PLCB4: variants seen among roughly 807,000 people sequenced by gnomAD.
The protein encoded by PLCB4 is phospholipase C beta 4, also known as 1-phosphatidylinositol 4,5-bisphosphate phosphodiesterase beta-4.
PLCB4 carries 77 observed loss-of-function variants against 178.8 expected under a neutral mutation model. The observed-to-expected ratio is 0.43, with a 90% CI of 0.36 to 0.52. The LOEUF is 0.52. PLCB4 is among the 20% of genes least tolerant of loss of function. PLCB4 has a pLI of 0.00. For synonymous variants in PLCB4, 496 were observed against 490.8 expected (o/e 1.01, Z -0.14); for missense variants, 1,024 against 1,453.4 (o/e 0.70, Z 4.80).
chr20:9,313,701 G>A (rs1182191425), intron 4 of PLCB4, among the ~76,000 whole-genome samples: 3 of 152,184 alleles, frequency 2.0e-5, no homozygotes, highest in African/African-American at 7.2e-5. Flanking sequence ...ACAGAAACCT[G>A]TTGGTGCCAC....
In PLCB4 at chr20:9,462,943, G is replaced by A. The variant is rs532954660; in HGVS notation, c.3248+3133G>A. On this transcript the variant is annotated intron_variant, in intron 35 of 39. Transcript: ENST00000378473. ...ACCGCAAAGATACTCCTCGAGAAGA[G>A]CAACCCTAAGACACATAATTGTCAG... Among the ~76,000 whole-genome samples, 3 of 152,238 alleles carry A rather than the reference G, an allele frequency of 2.0e-5. No homozygotes were observed. The South Asian group carries it at 6.2e-4, about 32-fold the overall frequency.
intron 28 of PLCB4, among the ~76,000 whole-genome samples, chr20:9,434,044 A>G (rs2041602637): frequency 6.6e-6 from 1 of 152,254 alleles, no homozygotes; most frequent in Admixed American, 6.5e-5. Flanking sequence ...ATACTTTAAT[A>G]GCAAAGAACT....
At chr20:9,185,685 A>G (rs6056454) in intron 2 of PLCB4, among the ~76,000 whole-genome samples, 67,529 of 151,952 alleles carry the variant, frequency 0.44, 15,448 homozygotes, top group African/African-American at 0.56. Flanking sequence ...CTTTACCGTG[A>G]CCCACCAGGC....
rs142152057 is a variant in PLCB4, at chr20:9,080,725, C to T, written c.-135+11519C>T. Among the ~76,000 whole-genome samples the T allele has an allele frequency of 3.7e-4, 57 of 152,254 alleles. 1 individual carries two copies. The highest frequency in any genetic ancestry group is 1.1e-3 in the African/African-American group (46 of 41,546). ...TCATTCACTTCTACCATTTTTATAA[C>T]CCCCAATTTACTGAAGACTCCCCTA... On this transcript the variant is annotated intron_variant, in intron 1 of 39. Transcript: ENST00000378473.
At chr20:9,112,575 A>G (rs529935297) in intron 2 of PLCB4, among the ~76,000 whole-genome samples, 2 of 152,036 alleles carry the variant, frequency 1.3e-5, no homozygotes, top group East Asian at 3.9e-4. Flanking sequence ...CTCTTTATTG[A>G]TTGTCTCACA....
At chr20:9,132,377 A>G (rs1361344874) in intron 2 of PLCB4, among the ~76,000 whole-genome samples, 1 of 152,138 alleles carries the variant, frequency 6.6e-6, no homozygotes, top group Non-Finnish European at 1.5e-5. Context: ...TTATTTCCAC[A>G]TAGTTATACT....
chr20:9,393,647 A>G lies in PLCB4; in HGVS notation c.1383A>G (p.Lys461=). 8 of 1,613,366 alleles carry G rather than the reference A, an allele frequency of 5.0e-6. No individual in the cohort carries two copies. The highest frequency in any genetic ancestry group is 6.8e-6 in the Non-Finnish European group (8 of 1,179,352). Residue 461 remains lysine (K), a synonymous_variant, in exon 18 of 40, where the codon AAA becomes AAG. Coordinates refer to ENST00000378473, the MANE Select transcript of PLCB4 (RefSeq NM_001377142.1). ...PNDLKRKILI[K]NKRLKPEVEK... is the part of the protein sequence containing the mutation. Reference sequence around the variant, plus strand: ...ACCTCAAAAGAAAAATACTCATAAAAAACAAGCGGCTGAAACCTGAAGTTG... The same window carrying G: ...ACCTCAAAAGAAAAATACTCATAAAGAACAAGCGGCTGAAACCTGAAGTTG...
rs909483272 is a variant in PLCB4, at chr20:9,213,375, C to A, written c.-78-4015C>A. Among the ~76,000 whole-genome samples the A allele has an allele frequency of 7.8e-5, 11 of 141,088 alleles. 2 individuals carry two copies. The highest frequency in any genetic ancestry group is 3.2e-4 in the African/African-American group (10 of 31,150). The allele number at this position is 141,088 out of a possible 152,430, so 92.6% of individuals were successfully genotyped here. A position where few individuals can be genotyped will look rare whatever the true frequency, so the allele number is the denominator to read the frequency against. On this transcript the variant is annotated intron_variant, in intron 2 of 39. Coordinates refer to ENST00000378473, the MANE Select transcript of PLCB4 (RefSeq NM_001377142.1). ...GGCTAGGCTGGTCTTGAACTCCTGA[C>A]CTTAGGTGATCCACCCACCCTGGCC...
intron 3 of PLCB4, among the ~76,000 whole-genome samples, chr20:9,274,374 G>A (rs2147642951): frequency 6.6e-6 from 1 of 152,052 alleles, no homozygotes; most frequent in South Asian, 2.1e-4. Context: ...ATCCCTTTAA[G>A]TTGCCGTAAA....
At chr20:9,359,885 C>T (rs1034985731) in intron 7 of PLCB4, among the ~76,000 whole-genome samples, 5 of 152,188 alleles carry the variant, frequency 3.3e-5, no homozygotes, top group Non-Finnish European at 5.9e-5. Context: ...CAGGGCTCTA[C>T]TGACACCTGC....
chr20:9,423,092 TG>T (rs2040758034), intron 27 of PLCB4, among the ~76,000 whole-genome samples: 1 of 152,220 alleles, frequency 6.6e-6, no homozygotes, highest in Admixed American at 6.5e-5. Context: ...TTATTCCGTT[TG>T]GGGATAGCAG....
At chr20:9,320,126 C>T (rs918998094) in intron 4 of PLCB4, among the ~76,000 whole-genome samples, 1 of 152,140 alleles carries the variant, frequency 6.6e-6, no homozygotes, top group African/African-American at 2.4e-5. Flanking sequence ...AACAGAGCAG[C>T]CCTGACAGAT....
rs541672084 is a variant in PLCB4, at chr20:9,267,604, CTGAAAATCTCA to C, written c.-15-40190_-15-40180del. On this transcript the variant is annotated intron_variant, in intron 3 of 39. Transcript: ENST00000378473. ...ACCTTTTTGGGGGGTTAAAACTCAT[CTGAAAATCTCA>C]TGAAAGCTGAAGAACCTGTGCTTAG... Among the ~76,000 whole-genome samples the C allele has an allele frequency of 1.3e-3, 201 of 152,070 alleles. 3 individuals carry two copies. The highest frequency in any genetic ancestry group is 0.012 in the South Asian group (60 of 4,814).
chr20:9,176,430 A>G (rs1003808663), intron 2 of PLCB4, among the ~76,000 whole-genome samples: 1 of 152,214 alleles, frequency 6.6e-6, no homozygotes, highest in African/African-American at 2.4e-5. Context: ...GGTTTATAAA[A>G]TGGTTGAACT....
At chr20:9,381,685 T>C (rs6056587) in intron 13 of PLCB4, among the ~76,000 whole-genome samples, 42,285 of 152,190 alleles carry the variant, frequency 0.28, 8,748 homozygotes, top group African/African-American at 0.59. Context: ...CATTTTCAAG[T>C]GTGGGTGAGA....
At chr20:9,371,794 T>C (rs1301192796) in intron 10 of PLCB4, among the ~76,000 whole-genome samples, 3 of 152,234 alleles carry the variant, frequency 2.0e-5, no homozygotes, top group African/African-American at 7.2e-5. Context: ...GAAATTAATT[T>C]ATTGACTTGA....
intron 2 of PLCB4, among the ~76,000 whole-genome samples, chr20:9,190,458 C>T (rs2147134860): frequency 6.6e-6 from 1 of 152,256 alleles, no homozygotes; most frequent in South Asian, 2.1e-4. Flanking sequence ...TGTAAATTTC[C>T]TGAGGCCTCC....
At chr20:9,105,257 A>C (rs1231335717) in intron 2 of PLCB4, among the ~76,000 whole-genome samples, 3 of 152,144 alleles carry the variant, frequency 2.0e-5, no homozygotes, top group Non-Finnish European at 4.4e-5. Flanking sequence ...ACCATACAAA[A>C]GTTTGGAATG....
In PLCB4 at chr20:9,401,531, A is replaced by G. The variant is rs758378211; in HGVS notation, c.1552A>G (p.Asn518Asp). The stretch of plus-strand genomic sequence containing the variant: ...AGCTCACCCCGAATTCAAATTTGGA[A>G]ATGAACTTTCTGCTGATGACTTGGG... ...EEAHPEFKFG[N>D]ELSADDLGHK... The change falls in exon 20 of 40, where the codon AAT (asparagine) becomes GAT (aspartate). Residue 518 changes from asparagine (N) to aspartate (D), a missense_variant. Transcript: ENST00000378473. 1.9e-6 allele frequency: 3 copies of G among 1,613,948 alleles called. No homozygotes were observed.
Sources: allele counts gnomAD v4.1 joint callset (sites outside exome capture counted in the v4.1 genomes callset), GRCh38; gene constraint gnomAD v4.1.1; transcripts MANE v1.5; gene names NCBI Gene and HGNC (gene_info 2026-07-23, HGNC 2026-07-21).